The following NF1 variants were observed in gnomAD, a reference collection of about 807,000 sequenced individuals.
NF1 encodes the protein neurofibromin.
Under a neutral mutation model 325.7 loss-of-function variants are expected in NF1, and 122 were observed. That is an observed-to-expected ratio of 0.37 (90% confidence interval 0.32 to 0.44). The LOEUF (loss-of-function observed/expected upper bound fraction) is 0.44. Ranked by LOEUF, NF1 falls within the 20% of genes least tolerant of loss-of-function variation. The pLI is 1.00. For synonymous variants in NF1, 1,091 were observed against 1,186.0 expected, an observed-to-expected ratio of 0.92 and a Z score of 1.65; for missense variants, 2,140 against 3,415.4, an observed-to-expected ratio of 0.63 and a Z score of 9.31.
intron 8 of NF1, among the ~76,000 whole-genome samples, chr17:31,193,315 T>C (rs1324599839): frequency 6.6e-6 from 1 of 152,182 alleles, no homozygotes; most frequent in Non-Finnish European, 1.5e-5. Context: ...AACTGCTGTA[T>C]GGTGTTCCCT....
chr17:31,274,405 A>C (rs1597765324), intron 36 of NF1, among the ~76,000 whole-genome samples: 1 of 152,198 alleles, frequency 6.6e-6, no homozygotes, highest in African/African-American at 2.4e-5. Flanking sequence ...ACATACAAGG[A>C]AATTGCAACA....
At chr17:31,263,217 G>A (rs1431143810) in intron 35 of NF1, among the ~76,000 whole-genome samples, 2 of 151,972 alleles carry the variant, frequency 1.3e-5, no homozygotes, top group African/African-American at 4.8e-5. Context: ...AAGGCAGGAG[G>A]ATTGCTTGAG....
At chr17:31,143,781 C>G (rs1342843765) in intron 1 of NF1, among the ~76,000 whole-genome samples, 1 of 151,886 alleles carries the variant, frequency 6.6e-6, no homozygotes, top group Non-Finnish European at 1.5e-5. Flanking sequence ...TATTTCAGTA[C>G]TTGGTCATGT....
intron 48 of NF1, among the ~76,000 whole-genome samples, chr17:31,344,759 C>G (rs949318170): frequency 6.6e-6 from 1 of 152,206 alleles, no homozygotes; most frequent in African/African-American, 2.4e-5. Flanking sequence ...TAATAAAGTG[C>G]TTAATTATTC....
At chr17:31,180,980 T>C (rs2066119621) in intron 5 of NF1, among the ~76,000 whole-genome samples, 2 of 152,050 alleles carry the variant, frequency 1.3e-5, no homozygotes, top group African/African-American at 4.8e-5. Context: ...AAATCATGAG[T>C]GAACTCCCAT....
At chr17:31,099,753 G>A (rs1912131257) in intron 1 of NF1, among the ~76,000 whole-genome samples, 1 of 151,546 alleles carries the variant, frequency 6.6e-6, no homozygotes, top group African/African-American at 2.4e-5. Context: ...AGAGACGGGG[G>A]TTTCACCGTG....
intron 18 of NF1, 49 bp downstream of exon 18, chr17:31,226,733 G>A (rs2151426311): frequency 6.2e-7 from 1 of 1,610,010 alleles, no homozygotes; most frequent in African/African-American, 1.3e-5. Context: ...CAAAGCACAT[G>A]GCATCTGATT....
Position 31,376,967 on chromosome 17 carries a change from C to T in NF1, c.*2812C>T. 1 of 233,368 alleles carries T rather than the reference C, an allele frequency of 4.3e-6. No individual in the cohort carries two copies. Among genetic ancestry groups the T allele is most frequent in the Non-Finnish European group, 8.5e-6 (1 of 118,080 alleles). The allele number at this position is 233,368 out of a possible 1,614,324, so 14.5% of individuals were successfully genotyped here. On this transcript the variant is annotated 3_prime_UTR_variant, in exon 58 of 58. Transcript: ENST00000358273. Reference sequence around the variant, plus strand: ...AGGACACATCCTAAACAGTCAGCTTCTATCCTGTGTCCTAGTTGGGGAGAC... The same window carrying T: ...AGGACACATCCTAAACAGTCAGCTTTTATCCTGTGTCCTAGTTGGGGAGAC...
chr17:31,329,662 T>C (rs1288882289), intron 38 of NF1, among the ~76,000 whole-genome samples: 1 of 152,210 alleles, frequency 6.6e-6, no homozygotes, highest in Non-Finnish European at 1.5e-5. Context: ...ATATTATAGT[T>C]TTTTTCCATA....
intron 36 of NF1, chr17:31,304,840 A>G: frequency 1.2e-6 from 2 of 1,613,972 alleles, no homozygotes; most frequent in Non-Finnish European, 1.7e-6. Context: ...ATTTTCTCTG[A>G]TGTTATCCAT....
intron 1 of NF1, among the ~76,000 whole-genome samples, chr17:31,140,962 T>C (rs948244813): frequency 6.6e-6 from 1 of 152,022 alleles, no homozygotes; most frequent in South Asian, 2.1e-4. Flanking sequence ...AGGAAGGAAA[T>C]GGGGTTATAT....
chr17:31,186,235 C>T (rs1487240351), intron 8 of NF1, among the ~76,000 whole-genome samples: 1 of 152,152 alleles, frequency 6.6e-6, no homozygotes, highest in Non-Finnish European at 1.5e-5. Flanking sequence ...TTCTCTCTCC[C>T]CACCTATACT....
chr17:31,314,175 A>G (rs983709385), intron 36 of NF1: 7 of 393,276 alleles, frequency 1.8e-5, no homozygotes, highest in African/African-American at 1.0e-4. Context: ...CAAAGTGACT[A>G]AGAAATATAT....
At chr17:31,107,976 TAAAA>T (rs1397029389) in intron 1 of NF1, among the ~76,000 whole-genome samples, 3 of 150,860 alleles carry the variant, frequency 2.0e-5, no homozygotes, top group South Asian at 4.2e-4. Context: ...CACAAAAAAA[TAAAA>T]AAAGTAGCTA....
At position 31,377,236 on chromosome 17, in the gene NF1, T is replaced by C. The variant is rs889504657; in HGVS notation, c.*3081T>C. The C allele has an allele frequency of 2.1e-5, 5 of 233,424 alleles. No individual in the cohort carries two copies. Among genetic ancestry groups the C allele is most frequent in the Non-Finnish European group, 3.4e-5 (4 of 117,952 alleles). 14.5% of individuals were successfully genotyped at this position (233,424 alleles called of 1,614,324 possible). ...TTTGTGTAAAATTTGACAAAAAAAGTATATTTACTATACTGTAAATATATG... is the reference window on the plus strand; with the variant it reads ...TTTGTGTAAAATTTGACAAAAAAAGCATATTTACTATACTGTAAATATATG... On this transcript the variant is annotated 3_prime_UTR_variant, in exon 58 of 58. Transcript: ENST00000358273.
At chr17:31,115,722 C>A (rs1386165312) in intron 1 of NF1, among the ~76,000 whole-genome samples, 4 of 152,120 alleles carry the variant, frequency 2.6e-5, no homozygotes, top group Non-Finnish European at 2.9e-5. Flanking sequence ...GTACCTTGAT[C>A]AAAGTCTTGT....
intron 36 of NF1, among the ~76,000 whole-genome samples, chr17:31,276,420 GAGA>G (rs2068011456): frequency 1.3e-5 from 2 of 151,990 alleles, no homozygotes; most frequent in Non-Finnish European, 1.5e-5. Context: ...CTGCTGTTTT[GAGA>G]AGATTTCTTC....
intron 11 of NF1, among the ~76,000 whole-genome samples, chr17:31,205,749 T>G (rs2066608060): frequency 6.6e-6 from 1 of 152,198 alleles, no homozygotes; most frequent in South Asian, 2.1e-4. Flanking sequence ...ATTATCATTG[T>G]TGTCTGTAAA....
At position 31,374,237 on chromosome 17, in the gene NF1, C is replaced by T. The variant is rs2151601926; in HGVS notation, c.*82C>T. The T allele has an allele frequency of 1.3e-6, 2 of 1,577,306 alleles. No individual in the cohort carries two copies. The highest frequency in any genetic ancestry group is 8.7e-7 in the Non-Finnish European group (1 of 1,148,842). On this transcript the variant is annotated 3_prime_UTR_variant, in exon 58 of 58. Transcript: ENST00000358273. ...CCTTCCCTGTCCTTGCCCTTTCCCC[C>T]CATGTTGTAATGCTGCACTTCCTGT...
Sources: allele counts gnomAD v4.1 joint callset (sites outside exome capture counted in the v4.1 genomes callset), GRCh38; gene constraint gnomAD v4.1.1; transcripts MANE v1.5; gene names NCBI Gene and HGNC (gene_info 2026-07-23, HGNC 2026-07-21).